DTNA: variants seen among roughly 807,000 people sequenced by gnomAD.
The protein encoded by DTNA is dystrobrevin alpha.
A neutral mutation model predicts 100.7 loss-of-function variants in DTNA; 43 were observed. That is an observed-to-expected ratio of 0.43 (90% CI 0.33 to 0.55). The LOEUF (loss-of-function observed/expected upper bound fraction) is 0.55. DTNA is among the 20% of genes least tolerant of loss of function. DTNA has a pLI of 0.04. For synonymous variants in DTNA, 349 were observed against 347.9 expected, an observed-to-expected ratio of 1.00 and a Z score of -0.04; for missense variants, 798 against 953.9, an observed-to-expected ratio of 0.84 and a Z score of 2.15.
intron 1 of DTNA, among the ~76,000 whole-genome samples, chr18:34,507,122 C>A (rs1441672890): frequency 1.3e-5 from 2 of 152,134 alleles, no homozygotes; most frequent in Middle Eastern, 3.5e-3. Flanking sequence ...AGGCAGGTAC[C>A]CTTACTCCCC....
At chr18:34,581,469 G>A (rs1178567010) in intron 1 of DTNA, among the ~76,000 whole-genome samples, 6 of 152,012 alleles carry the variant, frequency 3.9e-5, no homozygotes, top group Admixed American at 3.3e-4. Context: ...GCTCTCTGAT[G>A]TGTTTTTTTA....
At chr18:34,520,787 G>A (rs2042081172) in intron 1 of DTNA, among the ~76,000 whole-genome samples, 1 of 152,028 alleles carries the variant, frequency 6.6e-6, no homozygotes, top group African/African-American at 2.4e-5. Flanking sequence ...TTCCTTCCTA[G>A]GTAACTACTG....
chr18:34,649,665 TTAA>T (rs886530876), intron 1 of DTNA, among the ~76,000 whole-genome samples: 51 of 152,330 alleles, frequency 3.3e-4, no homozygotes, highest in African/African-American at 1.2e-3. Flanking sequence ...GCCAAACACA[TTAA>T]TGTTTATAAC....
At chr18:34,693,782 GT>G (rs2080122684) in intron 1 of DTNA, among the ~76,000 whole-genome samples, 1 of 148,918 alleles carries the variant, frequency 6.7e-6, no homozygotes, top group Non-Finnish European at 1.5e-5. Flanking sequence ...GTGTGTGTGT[GT>G]GTAAAACCCT....
chr18:34,641,671 C>T (rs534143891), intron 1 of DTNA, among the ~76,000 whole-genome samples: 11 of 152,280 alleles, frequency 7.2e-5, no homozygotes, highest in South Asian at 4.1e-4. Flanking sequence ...AATATCATTG[C>T]GTCTCAAATT....
intron 1 of DTNA, among the ~76,000 whole-genome samples, chr18:34,695,870 G>A (rs763924218): frequency 6.6e-6 from 1 of 152,034 alleles, no homozygotes; most frequent in Admixed American, 6.6e-5. Context: ...GTTTCATTAG[G>A]AAAATTTTTT....
At chr18:34,624,300 A>G (rs1383617087) in intron 1 of DTNA, among the ~76,000 whole-genome samples, 2 of 152,176 alleles carry the variant, frequency 1.3e-5, no homozygotes, top group Non-Finnish European at 2.9e-5. Context: ...AGTAAATAAC[A>G]ATAATGTAAA....
At chr18:34,849,426 C>T (rs2096441670) in intron 14 of DTNA, among the ~76,000 whole-genome samples, 1 of 152,128 alleles carries the variant, frequency 6.6e-6, no homozygotes, top group Non-Finnish European at 1.5e-5. Flanking sequence ...ATGGGATTAG[C>T]AATGTGTGTC....
At chr18:34,823,894 C>A (rs548228922) in intron 9 of DTNA, among the ~76,000 whole-genome samples, 1 of 152,304 alleles carries the variant, frequency 6.6e-6, no homozygotes, top group South Asian at 2.1e-4. Flanking sequence ...ATCCTCTGTC[C>A]TGTACTGATG....
chr18:34,503,822 CAG>C (rs902618153), intron 1 of DTNA, among the ~76,000 whole-genome samples: 10 of 150,576 alleles, frequency 6.6e-5, no homozygotes, highest in Non-Finnish European at 1.5e-4. Context: ...TATCACTGTA[CAG>C]AGTTTGTTTG....
chr18:34,874,479 A>G (rs899636114), intron 17 of DTNA, among the ~76,000 whole-genome samples: 7 of 152,228 alleles, frequency 4.6e-5, no homozygotes, highest in African/African-American at 1.7e-4. Flanking sequence ...CAAAAACTGT[A>G]GTGCAAAGAT....
chr18:34,881,526 T>C (rs2150398379), intron 20 of DTNA, among the ~76,000 whole-genome samples: 1 of 148,328 alleles, frequency 6.7e-6, no homozygotes, highest in East Asian at 2.0e-4. Flanking sequence ...CTAGCTGATA[T>C]TCTAAGACTT....
At chr18:34,880,468 A>G (rs2096861633) in intron 20 of DTNA, among the ~76,000 whole-genome samples, 1 of 152,206 alleles carries the variant, frequency 6.6e-6, no homozygotes, top group Non-Finnish European at 1.5e-5. Flanking sequence ...CCATTAAATG[A>G]CCATGGTTCA....
At position 34,548,035 on chromosome 18, in the gene DTNA, T is replaced by C. The variant is rs150056755; in HGVS notation, c.-2+54521T>C. Among the ~76,000 whole-genome samples, 9 of 152,294 alleles carry C rather than the reference T, an allele frequency of 5.9e-5. No homozygotes were observed. The East Asian group carries it at 1.7e-3, about 29-fold the overall frequency. On this transcript the variant is annotated intron_variant, in intron 1 of 19. Transcript: ENST00000283365. ...ATAAACATAGCTAAATGTTAACGAT[T>C]GAAGACAATATTTTTGGAAGCTGGG...
rs552327623 is a variant in DTNA, at chr18:34,521,137, C to T, written c.-2+27623C>T. Among the ~76,000 whole-genome samples the T allele has an allele frequency of 7.1e-4, 108 of 152,298 alleles. 1 individual carries two copies. Among genetic ancestry groups the T allele is most frequent in the Middle Eastern group, 6.8e-3 (2 of 294 alleles). On this transcript the variant is annotated intron_variant, in intron 1 of 19. Coordinates refer to the DTNA transcript ENST00000283365. ...CAAACAACTCTTGATTACTCCTTTT[C>T]CTGATACATGCTCCTCCTCCAGGCT...
intron 9 of DTNA, among the ~76,000 whole-genome samples, chr18:34,824,236 G>C (rs1321728830): frequency 6.6e-6 from 1 of 152,206 alleles, no homozygotes; most frequent in Non-Finnish European, 1.5e-5. Flanking sequence ...AGCACTTGGG[G>C]AGGCTGAGGC....
Position 34,889,579 on chromosome 18 carries a change from C to A in DTNA, c.*1845C>A, listed in dbSNP as rs936462502. On this transcript the variant is annotated 3_prime_UTR_variant, in exon 23 of 23. Transcript: ENST00000444659. The stretch of plus-strand genomic sequence containing the variant: ...TGGTAGGTGCCCAGCCAAGTCCTGA[C>A]ATCTTCATGCCCCCTCTGCAGAGGG... The A allele has an allele frequency of 5.1e-6, 5 of 985,300 alleles. No homozygotes were observed. Among genetic ancestry groups the A allele is most frequent in the Non-Finnish European group, 6.0e-6 (5 of 829,932 alleles). 61.0% of individuals were successfully genotyped at this position (985,300 alleles called of 1,614,324 possible).
At chr18:34,628,916 T>C (rs1347474758) in intron 1 of DTNA, among the ~76,000 whole-genome samples, 1 of 152,174 alleles carries the variant, frequency 6.6e-6, no homozygotes, top group African/African-American at 2.4e-5. Context: ...GTTAATAATT[T>C]TATCTAGAAA....
chr18:34,765,940 T>C, intron 2 of DTNA, 21 bp from the exon 3 acceptor site: 6 of 1,613,184 alleles, frequency 3.7e-6, no homozygotes, highest in African/African-American at 1.3e-5. Flanking sequence ...ATACCTTATG[T>C]GTCCTTTTTC....
Sources: gnomAD v4.1 joint callset for allele counts (sites outside exome capture counted in the v4.1 genomes callset) on GRCh38, gnomAD v4.1.1 for gene constraint, MANE v1.5 for transcripts, NCBI Gene and HGNC (gene_info 2026-07-23, HGNC 2026-07-21) for gene names.